DSCAM: variants seen among roughly 807,000 people sequenced by gnomAD.
DSCAM encodes the protein DS cell adhesion molecule, also known as cell adhesion molecule DSCAM.
In DSCAM, 47 loss-of-function variants were observed where a neutral mutation model predicts 217.7. The observed-to-expected ratio is 0.22, with a 90% CI of 0.17 to 0.28. The LOEUF (loss-of-function observed/expected upper bound fraction) is 0.28. DSCAM is among the 10% of genes least tolerant of loss of function. The pLI, the probability that DSCAM is intolerant of heterozygous loss-of-function variation, is 1.00. For synonymous variants in DSCAM, 1,056 were observed against 1,015.3 expected, an observed-to-expected ratio of 1.04 and a Z score of -0.76; for missense variants, 2,080 against 2,618.3, an observed-to-expected ratio of 0.79 and a Z score of 4.49.
intron 3 of DSCAM, among the ~76,000 whole-genome samples, chr21:40,609,284 CGTT>C (rs142730535): frequency 6.6e-6 from 1 of 152,144 alleles, no homozygotes; most frequent in African/African-American, 2.4e-5. Flanking sequence ...ACGATTTTGC[CGTT>C]GTTGTTTCCC....
chr21:40,682,025 G>A (rs796965929), intron 3 of DSCAM, among the ~76,000 whole-genome samples: 5 of 152,260 alleles, frequency 3.3e-5, no homozygotes, highest in African/African-American at 1.2e-4. Flanking sequence ...CTTCAGAACT[G>A]TGAGGAAATA....
At chr21:40,437,437 T>C (rs1300636862) in intron 3 of DSCAM, among the ~76,000 whole-genome samples, 1 of 152,218 alleles carries the variant, frequency 6.6e-6, no homozygotes, top group African/African-American at 2.4e-5. Context: ...AAGATTCCCA[T>C]GAGCAATTAC....
chr21:40,659,681 G>C (rs201631197), intron 3 of DSCAM, among the ~76,000 whole-genome samples: 1 of 150,048 alleles, frequency 6.7e-6, no homozygotes, highest in African/African-American at 2.4e-5. Flanking sequence ...CTGCCTATCT[G>C]TCTATCTATT....
intron 3 of DSCAM, among the ~76,000 whole-genome samples, chr21:40,626,321 C>T (rs2089599979): frequency 1.3e-5 from 2 of 152,166 alleles, no homozygotes; most frequent in Non-Finnish European, 2.9e-5. Context: ...ACCTCTACTT[C>T]CATTTGAGGT....
chr21:40,110,869 A>G, intron 20 of DSCAM, among the ~76,000 whole-genome samples: 1 of 152,222 alleles, frequency 6.6e-6, no homozygotes, highest in Non-Finnish European at 1.5e-5. Context: ...TAGAGAAAAA[A>G]GAATAAAAAG....
At chr21:40,365,492 C>G (rs2074821863) in intron 4 of DSCAM, among the ~76,000 whole-genome samples, 1 of 152,088 alleles carries the variant, frequency 6.6e-6, no homozygotes, top group African/African-American at 2.4e-5. Context: ...TTGCAGACGG[C>G]CTATTGTGGG....
At position 40,376,055 on chromosome 21, in the gene DSCAM, T is replaced by A. The variant is rs75730432; in HGVS notation, c.509-6810A>T. 9.3e-3 allele frequency among the ~76,000 whole-genome samples: 1,420 copies of A among 152,344 alleles called. 24 individuals are homozygous for A. The highest frequency in any genetic ancestry group is 0.032 in the African/African-American group (1,323 of 41,578). On this transcript the variant is annotated intron_variant, in intron 3 of 32. Transcript: ENST00000400454. ...GGGAAGATTTTAAAAGCATATGTCA[T>A]TTTTCACTTAGAGAAATATATCTTA... is the stretch of plus-strand genomic sequence containing the variant.
At chr21:40,203,138 A>C (rs7281174) in intron 11 of DSCAM, among the ~76,000 whole-genome samples, 24,532 of 152,140 alleles carry the variant, frequency 0.16, 4,207 homozygotes, top group African/African-American at 0.43. Flanking sequence ...AGAATTTTAA[A>C]CCATGCAGCC....
chr21:40,147,174 G>T (rs2090367026), intron 16 of DSCAM, among the ~76,000 whole-genome samples: 1 of 152,232 alleles, frequency 6.6e-6, no homozygotes. Context: ...CAGTATGGGG[G>T]CTGTGGAGTC....
chr21:40,235,224 T>C (rs1347652547), intron 11 of DSCAM, among the ~76,000 whole-genome samples: 2 of 152,112 alleles, frequency 1.3e-5, no homozygotes, highest in African/African-American at 2.4e-5. Context: ...ATGGTGACCA[T>C]AAAATACAAA....
At chr21:40,305,253 G>T (rs1228595411) in intron 9 of DSCAM, among the ~76,000 whole-genome samples, 2 of 152,032 alleles carry the variant, frequency 1.3e-5, no homozygotes, top group African/African-American at 2.4e-5. Flanking sequence ...AGCTTGGCAT[G>T]TTGGCACATG....
At chr21:40,121,340 G>A (rs2090031037) in intron 20 of DSCAM, among the ~76,000 whole-genome samples, 1 of 152,168 alleles carries the variant, frequency 6.6e-6, no homozygotes. Flanking sequence ...CACCTCTGAA[G>A]AGAAATAATT....
chr21:40,325,086 A>G (rs1225582302), intron 8 of DSCAM, among the ~76,000 whole-genome samples: 1 of 152,168 alleles, frequency 6.6e-6, no homozygotes, highest in East Asian at 1.9e-4. Context: ...ATTTTTCATG[A>G]CGTTGGCTTA....
rs753574454 is a variant in DSCAM, at chr21:40,620,236, A to G, written c.508+72574T>C. Among the ~76,000 whole-genome samples, 27 of 88,302 alleles carry G rather than the reference A, an allele frequency of 3.1e-4. No individual in the cohort carries two copies. In the East Asian group the frequency reaches 3.6e-3, roughly 12 times the overall value. 57.9% of individuals were successfully genotyped at this position (88,302 alleles called of 152,430 possible). ...GAGAGAGAAAAAAGAAAAAGAAAGA[A>G]AGAGAGAGAAAGAGAGAGAAAAAAG... is the stretch of plus-strand genomic sequence containing the variant. On this transcript the variant is annotated intron_variant, in intron 3 of 32. Coordinates refer to ENST00000400454, the MANE Select transcript of DSCAM (RefSeq NM_001389.5).
chr21:40,824,157 C>T (rs1019129480), intron 1 of DSCAM, among the ~76,000 whole-genome samples: 3 of 152,032 alleles, frequency 2.0e-5, no homozygotes, highest in Non-Finnish European at 4.4e-5. Context: ...TAGGTCAGTA[C>T]CCAGCCGCCA....
At chr21:40,801,627 G>A (rs779114417) in intron 1 of DSCAM, among the ~76,000 whole-genome samples, 10 of 152,182 alleles carry the variant, frequency 6.6e-5, no homozygotes, top group Non-Finnish European at 1.5e-4. Flanking sequence ...AGAGGACTCT[G>A]TTTCCTGCAC....
intron 1 of DSCAM, among the ~76,000 whole-genome samples, chr21:40,755,825 T>G (rs1395348174): frequency 6.6e-6 from 1 of 152,204 alleles, no homozygotes; most frequent in African/African-American, 2.4e-5. Flanking sequence ...TGCAATAAAT[T>G]CTGTCATCCT....
At position 40,571,347 on chromosome 21, in the gene DSCAM, A is replaced by G. The variant is rs559830749; in HGVS notation, c.508+121463T>C. 1.3e-4 allele frequency among the ~76,000 whole-genome samples: 20 copies of G among 152,328 alleles called. No homozygotes were observed. In the South Asian group the frequency reaches 4.1e-3, roughly 32 times the overall value. ...ATAAAATATGAATATTCAAGGTGAT[A>G]GATATCTCAATTACCTTGATTTGAT... On this transcript the variant is annotated intron_variant, in intron 3 of 32. Coordinates refer to ENST00000400454, the MANE Select transcript of DSCAM (RefSeq NM_001389.5).
intron 1 of DSCAM, among the ~76,000 whole-genome samples, chr21:40,823,177 G>T (rs911815406): frequency 7.2e-6 from 1 of 139,132 alleles, no homozygotes; most frequent in Non-Finnish European, 1.6e-5. Context: ...AAAAAAGAAA[G>T]AATGCTTAAT....
Sources: gnomAD v4.1 joint callset for allele counts (sites outside exome capture counted in the v4.1 genomes callset) on GRCh38, gnomAD v4.1.1 for gene constraint, MANE v1.5 for transcripts, NCBI Gene and HGNC (gene_info 2026-07-23, HGNC 2026-07-21) for gene names.